Variants in PAX2 observed in about 807,000 individuals in gnomAD.
The protein encoded by PAX2 is paired box protein Pax-2.
In PAX2, 9 loss-of-function variants were observed where a neutral mutation model predicts 41.7. The ratio of observed to expected loss-of-function variants is 0.22; its 90% CI spans 0.13 to 0.38. The LOEUF is 0.38. Among genes scored for constraint, PAX2 ranks in the 10% least tolerant of loss-of-function variants. The pLI is 1.00. For missense variants in PAX2, 418 were observed against 531.6 expected, an observed-to-expected ratio of 0.79 and a Z score of 2.10; for synonymous variants, 221 against 212.7, an observed-to-expected ratio of 1.04 and a Z score of -0.34.
At chr10:100,821,422 G>C (rs543821908) in intron 7 of PAX2, among the ~76,000 whole-genome samples, 1 of 152,204 alleles carries the variant, frequency 6.6e-6, no homozygotes, top group African/African-American at 2.4e-5. Context: ...GGAAGCTTGC[G>C]TGCTTTTTCC....
At chr10:100,822,739 G>C (rs1398894891) in intron 7 of PAX2, among the ~76,000 whole-genome samples, 1 of 152,158 alleles carries the variant, frequency 6.6e-6, no homozygotes, top group Non-Finnish European at 1.5e-5. Flanking sequence ...CCGTAAGGAA[G>C]AAGAAAAGGT....
chr10:100,772,084 C>T (rs7900750), intron 3 of PAX2, among the ~76,000 whole-genome samples: 1 of 151,816 alleles, frequency 6.6e-6, no homozygotes, highest in African/African-American at 2.4e-5. Flanking sequence ...TGATTACAGG[C>T]GTGAGCCACT....
chr10:100,824,953 T>C lies in PAX2; in HGVS notation c.1021+204T>C. The C allele has an allele frequency of 6.2e-7, 1 of 1,614,126 alleles. No individual in the cohort carries two copies. Among genetic ancestry groups the C allele is most frequent in the Non-Finnish European group, 8.5e-7 (1 of 1,179,994 alleles). Reference sequence around the variant, plus strand: ...CTCATGAGCAAGCCGGGGAGGAAGCTTGCAGAAGTGCCCCCTTGTGTGCAA... The same window carrying C: ...CTCATGAGCAAGCCGGGGAGGAAGCCTGCAGAAGTGCCCCCTTGTGTGCAA... On this transcript the variant is annotated intron_variant, in intron 8 of 9. Coordinates refer to ENST00000355243, the MANE Select transcript of PAX2 (RefSeq NM_000278.5). This position sits in a 1 kb window ranked among gnomAD's most constrained non-coding sequence, Gnocchi z 6.6.
intron 1 of PAX2, 34 bp downstream of exon 1, chr10:100,746,337 G>A: frequency 4.8e-6 from 7 of 1,466,564 alleles, no homozygotes; most frequent in Non-Finnish European, 6.7e-6. Flanking sequence ...GTCCCGGCTC[G>A]GGGCTCTCCG....
upstream of PAX2, among the ~76,000 whole-genome samples, chr10:100,742,741 C>T (rs1163504607): frequency 1.3e-5 from 2 of 150,518 alleles, no homozygotes; most frequent in Non-Finnish European, 2.9e-5. Flanking sequence ...TAGAGGCGGA[C>T]GGGAAAAGCA....
chr10:100,810,244 G>A (rs1240065109), intron 7 of PAX2, among the ~76,000 whole-genome samples: 1 of 152,192 alleles, frequency 6.6e-6, no homozygotes, highest in Non-Finnish European at 1.5e-5. Flanking sequence ...CTCTAGGACT[G>A]GGCCCTGGTT....
intron 3 of PAX2, among the ~76,000 whole-genome samples, chr10:100,777,054 A>G (rs1028571821): frequency 2.0e-5 from 3 of 150,516 alleles, no homozygotes; most frequent in Non-Finnish European, 4.4e-5. Flanking sequence ...AAAAGCATAG[A>G]TTTTAGAGGC....
chr10:100,793,866 C>T (rs962703253), intron 5 of PAX2, among the ~76,000 whole-genome samples: 1 of 152,138 alleles, frequency 6.6e-6, no homozygotes, highest in African/African-American at 2.4e-5. Context: ...AGCAGAGAAC[C>T]GGGATGTGAC....
At position 100,827,411 on chromosome 10, in the gene PAX2, C is replaced by T. The variant is rs1848612148; in HGVS notation, c.1109-132C>T. 2.2e-6 allele frequency: 2 copies of T among 925,772 alleles called. No individual in the cohort carries two copies. Among genetic ancestry groups the T allele is most frequent in the African/African-American group, 1.7e-5 (1 of 60,582 alleles). 57.3% of individuals were successfully genotyped at this position (925,772 alleles called of 1,614,324 possible). On this transcript the variant is annotated intron_variant, in intron 9 of 9. Coordinates refer to ENST00000355243, the MANE Select transcript of PAX2 (RefSeq NM_000278.5). The surrounding 1 kb of genome is among the most constrained non-coding windows in gnomAD (Gnocchi z 8.5). ...TCTCCGGGGCAACTGGCTCCACTGC[C>T]CAGCCAAGGTCTCCCAGTCCGGATC... is the stretch of plus-strand genomic sequence containing the variant.
intron 3 of PAX2, among the ~76,000 whole-genome samples, chr10:100,758,609 G>A (rs765123990): frequency 6.6e-6 from 1 of 152,226 alleles, no homozygotes; most frequent in African/African-American, 2.4e-5. Context: ...GCAGGAAGAG[G>A]CTCCAGAATA....
chr10:100,763,145 T>G (rs1845896534), intron 3 of PAX2, among the ~76,000 whole-genome samples: 2 of 152,228 alleles, frequency 1.3e-5, no homozygotes, highest in Admixed American at 1.3e-4. Context: ...TCTGTTTTAT[T>G]CTGGGCTACT....
At chr10:100,749,154 T>C (rs1388998200) in intron 1 of PAX2, 4 of 985,706 alleles carry the variant, frequency 4.1e-6, no homozygotes, top group Non-Finnish European at 4.8e-6. Context: ...AGGAAAGAGG[T>C]AGAAAAATTC....
rs183039283 is a variant in PAX2, at chr10:100,735,564, G to C, written c.-145G>C. The C allele has an allele frequency of 1.5e-3, 923 of 602,462 alleles. 8 individuals carry two copies. The African/African-American group carries it at 0.017, about 11-fold the overall frequency. 37.3% of individuals were successfully genotyped at this position (602,462 alleles called of 1,614,324 possible). ...ACACAGCCGTGGCGGCGGGCGGCTCGGGTTATCTGAGCCGCTTGGTGTTGG... is the reference window on the plus strand; with the variant it reads ...ACACAGCCGTGGCGGCGGGCGGCTCCGGTTATCTGAGCCGCTTGGTGTTGG... On this transcript the variant is annotated 5_prime_UTR_variant, in exon 1 of 10. Coordinates refer to the PAX2 transcript ENST00000679374.
intron 3 of PAX2, among the ~76,000 whole-genome samples, chr10:100,751,473 A>T (rs957308081): frequency 6.6e-6 from 1 of 152,234 alleles, no homozygotes; most frequent in East Asian, 1.9e-4. Flanking sequence ...GAGGAGCTGG[A>T]CAAGGAGGGA....
chr10:100,827,045 A>C lies in PAX2; in HGVS notation c.1058A>C (p.Gln353Pro), dbSNP rs201021899. The C allele has an allele frequency of 1.2e-4, 198 of 1,613,552 alleles. 3 individuals carry two copies. In the East Asian group the frequency reaches 4.3e-3, roughly 35 times the overall value. The change falls in exon 9 of 10, where the codon CAG becomes CCG. Residue 353 changes from glutamine (Q) to proline (P), a missense_variant. Physicochemically the swap from Gln to Pro is moderately conservative, Grantham distance 76. Transcript: ENST00000355243. The surrounding 1 kb of genome is among the most constrained non-coding windows in gnomAD (Gnocchi z 8.5). ...TCCGGCAACCCGTACAGCCACCCCC[A>C]GTACACGGCCTACAACGAGGCTTGG... ...EFSGNPYSHPQYTAYNEAWRF... is the reference protein window; with the variant it reads ...EFSGNPYSHPPYTAYNEAWRF...
At chr10:100,755,758 C>A (rs1022818222) in intron 3 of PAX2, among the ~76,000 whole-genome samples, 2 of 152,112 alleles carry the variant, frequency 1.3e-5, no homozygotes, top group Non-Finnish European at 2.9e-5. Flanking sequence ...GTAACCAGAG[C>A]CCTTGTCACA....
chr10:100,748,597 G>C lies in PAX2; in HGVS notation c.44-1149G>C. ...TGCTCAGTACCTGCGGCTACGGGTT[G>C]ATCGCTCTGGGTGCAGGATTTCTAG... On this transcript the variant is annotated intron_variant, in intron 1 of 9. Coordinates refer to ENST00000355243, the MANE Select transcript of PAX2 (RefSeq NM_000278.5). This position sits in a 1 kb window ranked among gnomAD's most constrained non-coding sequence, Gnocchi z 5.0. The C allele has an allele frequency of 1.1e-5, 11 of 985,436 alleles. No homozygotes were observed. Among genetic ancestry groups the C allele is most frequent in the Non-Finnish European group, 1.3e-5 (11 of 829,922 alleles). The allele number at this position is 985,436 out of a possible 1,614,324, so 61.0% of individuals were successfully genotyped here.
upstream of PAX2, among the ~76,000 whole-genome samples, chr10:100,742,843 C>CTTTTTTTTTT (rs61627823): frequency 9.7e-4 from 40 of 41,258 alleles, 12 homozygotes; most frequent in East Asian, 3.6e-3. Flanking sequence ...TTCTTTCTTC[C>CTTTTTTTTTT]TTTTTTTTTT....
In PAX2 at chr10:100,746,303, C is replaced by T; in HGVS notation, c.43C>T (p.Pro15Ser). 1 of 1,590,586 alleles carries T rather than the reference C, an allele frequency of 6.3e-7. No individual in the cohort carries two copies. The highest frequency in any genetic ancestry group is 8.6e-7 in the Non-Finnish European group (1 of 1,158,836). Reference protein sequence around the residue: ...CKADPFSAMHPGHGGVNQLGG... With the variant: ...CKADPFSAMHSGHGGVNQLGG... The stretch of plus-strand genomic sequence containing the variant: ...AGCAGACCCCTTCTCCGCGATGCAC[C>T]GTGAGTACCGGCGCCCGGCTCCTGT... Residue 15 changes from proline to serine, a missense_variant and splice_region_variant, in exon 1 of 10, where the codon CCA becomes TCA. Physicochemically the swap from Pro to Ser is moderately conservative, Grantham distance 74 (BLOSUM62 -1). Coordinates refer to ENST00000355243, the MANE Select transcript of PAX2 (RefSeq NM_000278.5).
Sources: gnomAD v4.1 joint callset for allele counts (sites outside exome capture counted in the v4.1 genomes callset) on GRCh38, gnomAD v4.1.1 for gene constraint, Gnocchi (gnomAD v3.1) non-coding constraint, MANE v1.5 for transcripts, NCBI Gene and HGNC (gene_info 2026-07-23, HGNC 2026-07-21) for gene names.